The following METTL25 variants were observed in gnomAD, a reference collection of about 807,000 sequenced individuals.
METTL25 encodes probable methyltransferase-like protein 25.
Under a neutral mutation model 71.6 loss-of-function variants are expected in METTL25, and 64 were observed. That is an observed-to-expected ratio of 0.89 (90% confidence interval 0.73 to 1.10). METTL25 has a LOEUF of 1.10. Ranked by LOEUF, METTL25 falls within the 50% of genes least tolerant of loss-of-function variation. The probability of loss-of-function intolerance (pLI) is 0.00; values close to 1 mark genes in which losing one functional copy is unlikely to be tolerated. For missense variants in METTL25, 807 were observed against 707.0 expected (o/e 1.14, Z -1.60); for synonymous variants, 287 against 250.3 (o/e 1.15, Z -1.38).
At chr12:82,388,008 A>G (rs956521034) in intron 2 of METTL25, among the ~76,000 whole-genome samples, 3 of 151,864 alleles carry the variant, frequency 2.0e-5, no homozygotes, top group African/African-American at 7.3e-5. Flanking sequence ...TGTCATGTCT[A>G]TTTAGTCTTT....
At chr12:82,477,413 C>T in intron 11 of METTL25, 61 bp downstream of exon 11, 2 of 807,632 alleles carry the variant, frequency 2.5e-6, no homozygotes, top group South Asian at 2.0e-5. Context: ...AATATAGAGC[C>T]ACTTATATCT....
intron 9 of METTL25, among the ~76,000 whole-genome samples, chr12:82,464,108 T>G (rs1239370876): frequency 6.6e-6 from 1 of 151,928 alleles, no homozygotes; most frequent in African/African-American, 2.4e-5. Flanking sequence ...GAAGCTTTTT[T>G]AGTTTGATAT....
chr12:82,433,233 G>T (rs923925211), intron 6 of METTL25, among the ~76,000 whole-genome samples: 1 of 151,300 alleles, frequency 6.6e-6, no homozygotes, highest in South Asian at 2.1e-4. Flanking sequence ...ACACCAAATC[G>T]CCTCTTTTTA....
At chr12:82,441,798 A>C (rs958921620) in intron 8 of METTL25, among the ~76,000 whole-genome samples, 12 of 25,574 alleles carry the variant, frequency 4.7e-4, no homozygotes, top group Middle Eastern at 0.017. Context: ...AAAAAAAAAA[A>C]AAATAGAAAC....
chr12:82,390,648 AT>A (rs1268240656), intron 3 of METTL25, among the ~76,000 whole-genome samples: 1 of 152,058 alleles, frequency 6.6e-6, no homozygotes, highest in Non-Finnish European at 1.5e-5. Flanking sequence ...TTTGAGGATG[AT>A]TAGAAAACTA....
At chr12:82,444,256 A>C (rs1022548501) in intron 8 of METTL25, among the ~76,000 whole-genome samples, 7 of 152,166 alleles carry the variant, frequency 4.6e-5, no homozygotes, top group African/African-American at 1.2e-4. Flanking sequence ...AAGTGGGAGG[A>C]CATTCAAAGT....
intron 5 of METTL25, among the ~76,000 whole-genome samples, chr12:82,420,261 G>T (rs1436084844): frequency 1.3e-5 from 2 of 152,080 alleles, no homozygotes; most frequent in African/African-American, 2.4e-5. Context: ...GAGATATATT[G>T]TGTGTATAAT....
rs145531721 is a variant in METTL25, at chr12:82,371,752, C to T, written c.259+12928C>T. Among the ~76,000 whole-genome samples the T allele has an allele frequency of 5.3e-5, 8 of 152,154 alleles. No homozygotes were observed. In the East Asian group the frequency reaches 7.7e-4, roughly 15 times the overall value. ...AAGATCAATTGACCCTCAAGTGAGCCGGGTGACAGGGGAGTATATTTTCTT... is the reference window on the plus strand; with the variant it reads ...AAGATCAATTGACCCTCAAGTGAGCTGGGTGACAGGGGAGTATATTTTCTT... On this transcript the variant is annotated intron_variant, in intron 1 of 11. Coordinates refer to ENST00000248306, the MANE Select transcript of METTL25 (RefSeq NM_032230.3).
At chr12:82,436,273 T>C (rs1889908865) in intron 7 of METTL25, among the ~76,000 whole-genome samples, 1 of 151,500 alleles carries the variant, frequency 6.6e-6, no homozygotes, top group South Asian at 2.1e-4. Flanking sequence ...CTTAGTGCCC[T>C]TTCCACTAGA....
chr12:82,369,568 T>C (rs1298565412), intron 1 of METTL25: 7 of 395,762 alleles, frequency 1.8e-5, no homozygotes, highest in African/African-American at 1.5e-4. Flanking sequence ...ACGGTGAGTG[T>C]TAACAGCTCT....
In METTL25 at chr12:82,477,338, T is replaced by C; in HGVS notation, c.1705T>C (p.Tyr569His). 1 of 1,553,112 alleles carries C rather than the reference T, an allele frequency of 6.4e-7. No homozygotes were observed. Among genetic ancestry groups the C allele is most frequent in the South Asian group, 1.2e-5 (1 of 82,254 alleles). ...ETLILLDRLC[Y>H]LKEQEDIAWS... ...TTTGATTCTTCTGGATCGACTTTGT[T>C]ACCTGAAAGAGCAGGTAAATTATGT... Residue 569 changes from tyrosine (Y) to histidine (H), a missense_variant, in exon 11 of 12, where the codon TAC (tyrosine) becomes CAC (histidine). Transcript: ENST00000248306.
chr12:82,470,528 C>T (rs951564801), intron 9 of METTL25, among the ~76,000 whole-genome samples: 1 of 151,962 alleles, frequency 6.6e-6, no homozygotes, highest in Non-Finnish European at 1.5e-5. Context: ...AACCAGCAGG[C>T]TCTCTCAACT....
At chr12:82,402,327 CTG>C (rs1195532894) in intron 4 of METTL25, among the ~76,000 whole-genome samples, 1 of 151,868 alleles carries the variant, frequency 6.6e-6, no homozygotes, top group African/African-American at 2.4e-5. Flanking sequence ...GATGGGCAAT[CTG>C]AGACGTGAAA....
intron 9 of METTL25, among the ~76,000 whole-genome samples, chr12:82,470,743 A>C (rs567080878): frequency 2.4e-4 from 36 of 152,294 alleles, no homozygotes; most frequent in Non-Finnish European, 3.8e-4. Context: ...CAGAAAGTTG[A>C]AGGGTCTTTT....
intron 9 of METTL25, 43 bp downstream of exon 9, chr12:82,456,863 A>AC (rs1891531047): frequency 1.0e-6 from 1 of 968,752 alleles, no homozygotes; most frequent in Admixed American, 2.9e-5. Context: ...AGACAGAAGA[A>AC]CTTCTATTTT....
chr12:82,391,677 T>C (rs1012809791), intron 3 of METTL25, among the ~76,000 whole-genome samples: 3 of 151,862 alleles, frequency 2.0e-5, no homozygotes, highest in Non-Finnish European at 2.9e-5. Context: ...ATGAATAGTG[T>C]TACAATAAAC....
At chr12:82,397,969 T>C (rs1287481957) in intron 3 of METTL25, among the ~76,000 whole-genome samples, 1 of 152,054 alleles carries the variant, frequency 6.6e-6, no homozygotes, top group Non-Finnish European at 1.5e-5. Flanking sequence ...TTTTGCCTTA[T>C]TTTTTAAATC....
intron 5 of METTL25, 45 bp from the exon 6 acceptor site, chr12:82,430,844 AAAAG>A (rs1889422180): frequency 9.7e-7 from 1 of 1,032,140 alleles, no homozygotes. Flanking sequence ...TTTTAACTGA[AAAAG>A]AAAGAATTTT....
At chr12:82,435,876 A>T (rs1889878752) in intron 7 of METTL25, among the ~76,000 whole-genome samples, 1 of 151,468 alleles carries the variant, frequency 6.6e-6, no homozygotes. Context: ...TTACCAAAGT[A>T]CTATTTAAAG....
Sources: allele counts gnomAD v4.1 joint callset (sites outside exome capture counted in the v4.1 genomes callset), GRCh38; gene constraint gnomAD v4.1.1; transcripts MANE v1.5; gene names NCBI Gene and HGNC (gene_info 2026-07-23, HGNC 2026-07-21).